Variants in ERC2 observed in about 807,000 individuals in gnomAD.
The protein encoded by ERC2 is ELKS/RAB6-interacting/CAST family member 2.
In ERC2, 42 loss-of-function variants were observed where a neutral mutation model predicts 114.8. That is an observed-to-expected ratio of 0.37 (90% CI 0.29 to 0.47). ERC2 has a LOEUF of 0.47. Ranked by LOEUF, ERC2 falls within the 20% of genes least tolerant of loss-of-function variation. ERC2 has a pLI of 0.99. For missense variants in ERC2, 939 were observed against 1,150.7 expected, an observed-to-expected ratio of 0.82 and a Z score of 2.66; for synonymous variants, 454 against 425.5, an observed-to-expected ratio of 1.07 and a Z score of -0.82.
chr3:55,998,311 C>T (rs2071764345), intron 10 of ERC2, among the ~76,000 whole-genome samples: 1 of 151,870 alleles, frequency 6.6e-6, no homozygotes, highest in Non-Finnish European at 1.5e-5. Flanking sequence ...TAAAGATCCC[C>T]CAAACAAAAC....
chr3:55,808,621 C>T (rs2059578509), intron 14 of ERC2, among the ~76,000 whole-genome samples: 1 of 148,760 alleles, frequency 6.7e-6, no homozygotes. Context: ...TCTCCCATTT[C>T]ACAGATGAAA....
At chr3:55,826,146 C>T (rs1304893835) in intron 14 of ERC2, among the ~76,000 whole-genome samples, 1 of 152,154 alleles carries the variant, frequency 6.6e-6, no homozygotes, top group African/African-American at 2.4e-5. Flanking sequence ...GCAATAAAAG[C>T]TACTTTAACT....
At position 55,742,978 on chromosome 3, in the gene ERC2, A is replaced by G. The variant is rs145257640; in HGVS notation, c.2565-8060T>C. On this transcript the variant is annotated intron_variant, in intron 14 of 17. Transcript: ENST00000288221. Reference sequence around the variant, plus strand: ...CAGGGTGAGATATATTTGAACAAGCATGAGTTTCAGTAAGGACAAAGAACA... The same window carrying G: ...CAGGGTGAGATATATTTGAACAAGCGTGAGTTTCAGTAAGGACAAAGAACA... Among the ~76,000 whole-genome samples the G allele has an allele frequency of 2.7e-3, 405 of 152,346 alleles. 1 individual carries two copies. The highest frequency in any genetic ancestry group is 9.4e-3 in the African/African-American group (389 of 41,578).
chr3:55,790,434 C>G (rs191138418), intron 14 of ERC2, among the ~76,000 whole-genome samples: 4 of 152,324 alleles, frequency 2.6e-5, no homozygotes, highest in African/African-American at 4.8e-5. Context: ...TCACCCTCAT[C>G]CCGTCAGCAC....
At chr3:56,211,902 T>C (rs1313803498) in intron 3 of ERC2, among the ~76,000 whole-genome samples, 1 of 152,134 alleles carries the variant, frequency 6.6e-6, no homozygotes, top group Admixed American at 6.5e-5. Flanking sequence ...AAGTCACATG[T>C]AGAAGAATGA....
At chr3:55,654,339 C>A (rs992138497) in intron 17 of ERC2, among the ~76,000 whole-genome samples, 4 of 152,358 alleles carry the variant, frequency 2.6e-5, no homozygotes, top group Non-Finnish European at 4.4e-5. Context: ...ACCTGCCAAT[C>A]AAATGGCTTT....
At chr3:55,904,306 G>C (rs1277129715) in intron 13 of ERC2, among the ~76,000 whole-genome samples, 1 of 152,132 alleles carries the variant, frequency 6.6e-6, no homozygotes, top group African/African-American at 2.4e-5. Flanking sequence ...ACACACACAA[G>C]TTGAAACCAT....
chr3:55,999,019 G>A (rs28450246), intron 10 of ERC2, among the ~76,000 whole-genome samples: 58,021 of 151,930 alleles, frequency 0.38, 11,475 homozygotes, highest in Middle Eastern at 0.53. Context: ...ATTATATGAA[G>A]CACTAAATTG....
chr3:56,263,728 A>G (rs573111320), intron 3 of ERC2, among the ~76,000 whole-genome samples: 1 of 152,316 alleles, frequency 6.6e-6, no homozygotes, highest in South Asian at 2.1e-4. Flanking sequence ...ATTCTACCAA[A>G]CATTAAAAAA....
intron 3 of ERC2, among the ~76,000 whole-genome samples, chr3:56,229,100 T>C (rs1285668862): frequency 6.6e-6 from 1 of 152,228 alleles, no homozygotes. Flanking sequence ...ATATACTTAT[T>C]TGGCATATAT....
chr3:56,135,602 A>G (rs554509912), intron 6 of ERC2, among the ~76,000 whole-genome samples: 105 of 152,354 alleles, frequency 6.9e-4, no homozygotes, highest in African/African-American at 2.4e-3. Flanking sequence ...TGAGGCTGAT[A>G]CAATGACTGC....
chr3:56,443,176 G>A (rs2062396551), intron 1 of ERC2, among the ~76,000 whole-genome samples: 1 of 152,212 alleles, frequency 6.6e-6, no homozygotes, highest in Non-Finnish European at 1.5e-5. Context: ...CCATTGACAG[G>A]CTGCAGTAAG....
Position 55,828,457 on chromosome 3 carries a change from T to TGGCAGCAGGGGCAGCAGG in ERC2, c.2564+59914_2564+59931dup, listed in dbSNP as rs551670121. On this transcript the variant is annotated intron_variant, in intron 14 of 17. Coordinates refer to ENST00000288221, the MANE Select transcript of ERC2 (RefSeq NM_015576.3). ...GCTTTGCCTAAAGGCGGAGTGTAGCTGGCAGCAGGGGCAGCAGGGGCAGCA... is the reference window on the plus strand; with the variant it reads ...GCTTTGCCTAAAGGCGGAGTGTAGCTGGCAGCAGGGGCAGCAGGGGCAGCAGGGGCAGCAGGGGCAGCA... 6.4e-3 allele frequency among the ~76,000 whole-genome samples: 814 copies of TGGCAGCAGGGGCAGCAGG among 126,300 alleles called. 7 individuals are homozygous for TGGCAGCAGGGGCAGCAGG. The highest frequency in any genetic ancestry group is 0.021 in the African/African-American group (677 of 32,654). 82.9% of individuals were successfully genotyped at this position (126,300 alleles called of 152,430 possible).
At chr3:55,599,253 C>G (rs1224065651) in intron 17 of ERC2, among the ~76,000 whole-genome samples, 1 of 152,172 alleles carries the variant, frequency 6.6e-6, no homozygotes, top group African/African-American at 2.4e-5. Flanking sequence ...GAGCCTGATT[C>G]CTGACTGTAA....
chr3:56,012,095 T>C (rs1309031847), intron 8 of ERC2, among the ~76,000 whole-genome samples: 1 of 152,212 alleles, frequency 6.6e-6, no homozygotes, highest in Non-Finnish European at 1.5e-5. Flanking sequence ...ATCCCAGACC[T>C]AGTTTACCTA....
chr3:56,420,563 T>C (rs1000820763), intron 2 of ERC2, among the ~76,000 whole-genome samples: 37 of 152,032 alleles, frequency 2.4e-4, no homozygotes, highest in Middle Eastern at 3.4e-3. Context: ...TCCCATCCAC[T>C]TTGGAGACCA....
At chr3:56,440,325 C>T (rs1395086953) in intron 1 of ERC2, among the ~76,000 whole-genome samples, 1 of 152,094 alleles carries the variant, frequency 6.6e-6, no homozygotes, top group Non-Finnish European at 1.5e-5. Context: ...GGGTGGATCA[C>T]GAGGTCAGGA....
rs566952000 is a variant in ERC2, at chr3:55,833,971, T to C, written c.2564+54418A>G. On this transcript the variant is annotated intron_variant, in intron 14 of 17. Transcript: ENST00000288221. ...CAGGGGTTGCAATCCTAGTCTCTGA[T>C]AAAACAGACTTTAAACCAACAAAGA... is the stretch of plus-strand genomic sequence containing the variant. Among the ~76,000 whole-genome samples the C allele has an allele frequency of 4.5e-4, 68 of 151,318 alleles. No individual in the cohort carries two copies. In the South Asian group the frequency reaches 0.014, roughly 31 times the overall value.
At chr3:55,980,575 G>A (rs1167660872) in intron 12 of ERC2, among the ~76,000 whole-genome samples, 1 of 152,172 alleles carries the variant, frequency 6.6e-6, no homozygotes, top group Admixed American at 6.5e-5. Context: ...TTTCTAGAAA[G>A]TGATTTATAA....
Sources: allele counts gnomAD v4.1 joint callset (sites outside exome capture counted in the v4.1 genomes callset), GRCh38; gene constraint gnomAD v4.1.1; transcripts MANE v1.5; gene names NCBI Gene and HGNC (gene_info 2026-07-23, HGNC 2026-07-21).